RTN4: variants seen among roughly 807,000 people sequenced by gnomAD.
RTN4 encodes the protein reticulon-4.
RTN4 carries 32 observed loss-of-function variants against 90.4 expected under a neutral mutation model. The ratio of observed to expected loss-of-function variants is 0.35; its 90% CI spans 0.27 to 0.48. The LOEUF (loss-of-function observed/expected upper bound fraction) is 0.48. RTN4 is among the 20% of genes least tolerant of loss of function. The pLI is 0.99. For missense variants in RTN4, 1,706 were observed against 1,430.2 expected, an observed-to-expected ratio of 1.19 and a Z score of -3.11; for synonymous variants, 629 against 552.5, an observed-to-expected ratio of 1.14 and a Z score of -1.94.
chr2:55,135,272 A>G, the RTN4 span, among the ~76,000 whole-genome samples: 6 of 146,960 alleles, frequency 4.1e-5, no homozygotes, highest in Non-Finnish European at 4.5e-5. Context: ...CAGTGGCTCA[A>G]TCTTGACTCA....
At chr2:55,081,282 G>C (rs982921952) in intron 1 of RTN4, among the ~76,000 whole-genome samples, 2 of 151,962 alleles carry the variant, frequency 1.3e-5, no homozygotes, top group African/African-American at 4.8e-5. Flanking sequence ...TCACTATGTT[G>C]TCCAGCCTCG....
the RTN4 span, among the ~76,000 whole-genome samples, chr2:55,120,960 C>CA: frequency 6.6e-6 from 1 of 152,186 alleles, no homozygotes; most frequent in East Asian, 1.9e-4. Flanking sequence ...AATAAGGAAA[C>CA]CCTGGTGGCC....
chr2:55,088,021 T>C (rs1668875580), intron 1 of RTN4, among the ~76,000 whole-genome samples: 1 of 152,240 alleles, frequency 6.6e-6, no homozygotes, highest in South Asian at 2.1e-4. Context: ...TTAGTGTTCT[T>C]TATTTAAGCG....
At chr2:55,105,276 C>G (rs1667925160) in intron 1 of RTN4, among the ~76,000 whole-genome samples, 1 of 141,036 alleles carries the variant, frequency 7.1e-6, no homozygotes, top group African/African-American at 2.7e-5. Flanking sequence ...GTCACCCAAG[C>G]TGGAGTACAG....
chr2:55,052,906 T>TA (rs1364896883), upstream of RTN4, among the ~76,000 whole-genome samples: 6 of 152,324 alleles, frequency 3.9e-5, no homozygotes, highest in South Asian at 2.1e-4. Flanking sequence ...AAACAGGACT[T>TA]ACGTTATTTG....
intron 1 of RTN4, among the ~76,000 whole-genome samples, chr2:55,083,665 A>G (rs1190409012): frequency 6.6e-6 from 1 of 152,246 alleles, no homozygotes; most frequent in Non-Finnish European, 1.5e-5. Flanking sequence ...TATAAGGGGA[A>G]AAATTGTGTT....
upstream of RTN4, among the ~76,000 whole-genome samples, chr2:55,051,582 T>C (rs1346911582): frequency 6.6e-6 from 1 of 152,216 alleles, no homozygotes; most frequent in Non-Finnish European, 1.5e-5. Context: ...ATGCCTACTC[T>C]GGAGGCCCTG....
rs547091447 is a variant in RTN4 at position 55,047,938 on chromosome 2, G to A, written c.556+1807C>T. ...ACATAGTCATGCCTCGCTGAACAGG[G>A]GGAACAGGATCTGAGAAATGTATTG... On this transcript the variant is annotated intron_variant, in intron 1 of 8. Transcript: ENST00000337526. Among the ~76,000 whole-genome samples the A allele has an allele frequency of 2.0e-4, 30 of 151,878 alleles. No individual in the cohort carries two copies. The South Asian group carries it at 5.8e-3, about 29-fold the overall frequency.
At chr2:55,125,708 G>A in the RTN4 span, among the ~76,000 whole-genome samples, 1 of 152,156 alleles carries the variant, frequency 6.6e-6, no homozygotes, top group Non-Finnish European at 1.5e-5. Context: ...GGAGGTTGCA[G>A]TGAGCCAAGA....
Position 55,072,609 on chromosome 2 carries a change from C to G in RTN4, c.-63+7880G>C, listed in dbSNP as rs373708068. The stretch of plus-strand genomic sequence containing the variant: ...GGCATACACATTTTTTAAGTTTTCA[C>G]TTTTGATAATAATTTTTTGAGCAAT... On this transcript the variant is annotated intron_variant, in intron 2 of 3. Transcript: ENST00000427710. Among the ~76,000 whole-genome samples, 32 of 152,246 alleles carry G rather than the reference C, an allele frequency of 2.1e-4. No individual in the cohort carries two copies. The East Asian group carries it at 4.1e-3, about 19-fold the overall frequency.
At chr2:55,040,985 G>A (rs1272217112) in intron 1 of RTN4, among the ~76,000 whole-genome samples, 3 of 128,348 alleles carry the variant, frequency 2.3e-5, no homozygotes, top group Non-Finnish European at 4.9e-5. Context: ...GGCCACCTAT[G>A]TAAAGAGACT....
the RTN4 span, among the ~76,000 whole-genome samples, chr2:55,118,152 A>C: frequency 6.6e-6 from 1 of 152,122 alleles, no homozygotes; most frequent in Non-Finnish European, 1.5e-5. Flanking sequence ...TCTACTCTCA[A>C]AATTTTGCCC....
chr2:55,089,655 T>C (rs1668902989), intron 1 of RTN4, among the ~76,000 whole-genome samples: 1 of 152,270 alleles, frequency 6.6e-6, no homozygotes, highest in Non-Finnish European at 1.5e-5. Context: ...GCTTTAGCTA[T>C]TTCTGTTTCT....
chr2:54,995,789 G>A (rs1044465734), intron 3 of RTN4, among the ~76,000 whole-genome samples: 6 of 151,982 alleles, frequency 3.9e-5, no homozygotes, highest in African/African-American at 1.2e-4. Context: ...TTAGAATGTG[G>A]GAAGAAACCA....
At chr2:54,975,452 G>A (rs1404496408) in intron 5 of RTN4, among the ~76,000 whole-genome samples, 1 of 150,552 alleles carries the variant, frequency 6.6e-6, no homozygotes, top group Non-Finnish European at 1.5e-5. Flanking sequence ...AATGAAAAGG[G>A]GAGTAGTAGA....
intron 7 of RTN4, 41 bp from the exon 8 acceptor site, chr2:54,973,662 A>C: frequency 6.5e-7 from 1 of 1,547,828 alleles, no homozygotes; most frequent in South Asian, 1.1e-5. Context: ...GTTGCTAAAG[A>C]ATCTTATTAA....
At chr2:54,989,288 A>G (rs1678822424) in intron 3 of RTN4, among the ~76,000 whole-genome samples, 1 of 152,186 alleles carries the variant, frequency 6.6e-6, no homozygotes, top group South Asian at 2.1e-4. Context: ...TCTGGCTTGA[A>G]TGCTATTAAT....
the RTN4 span, among the ~76,000 whole-genome samples, chr2:55,118,261 T>G: frequency 6.6e-6 from 1 of 151,886 alleles, no homozygotes; most frequent in African/African-American, 2.4e-5. Context: ...GCCCAGGAGC[T>G]CAAGAACAGC....
chr2:55,029,020 T>C (rs750011723), intron 1 of RTN4, among the ~76,000 whole-genome samples: 9 of 152,126 alleles, frequency 5.9e-5, no homozygotes, highest in Non-Finnish European at 8.8e-5. Context: ...TATCTGAAGA[T>C]GGGGACTTTG....
Sources: allele counts gnomAD v4.1 joint callset (sites outside exome capture counted in the v4.1 genomes callset), GRCh38; gene constraint gnomAD v4.1.1; transcripts MANE v1.5; gene names NCBI Gene and HGNC (gene_info 2026-07-23, HGNC 2026-07-21).